The following ZMYND15 variants were observed in gnomAD, a reference collection of about 807,000 sequenced individuals.
ZMYND15 encodes zinc finger MYND domain-containing protein 15.
Under a neutral mutation model 81.7 loss-of-function variants are expected in ZMYND15, and 54 were observed. That is an observed-to-expected ratio of 0.66 (90% CI 0.53 to 0.83). The LOEUF (loss-of-function observed/expected upper bound fraction) is 0.83. ZMYND15 is among the 40% of genes least tolerant of loss of function. The probability of loss-of-function intolerance (pLI) is 0.00; values close to 1 mark genes in which losing one functional copy is unlikely to be tolerated. For synonymous variants in ZMYND15, 399 were observed against 387.0 expected (o/e 1.03, Z -0.36); for missense variants, 925 against 973.5 (o/e 0.95, Z 0.66).
chr17:4,743,880 T>C lies in ZMYND15; in HGVS notation c.1378+33T>C. On this transcript the variant is annotated intron_variant, in intron 7 of 13. Coordinates refer to ENST00000433935, the MANE Select transcript of ZMYND15 (RefSeq NM_001136046.3). The surrounding 1 kb of genome is among the most constrained non-coding windows in gnomAD (Gnocchi z 4.3). ...GGAGGGGCCCTGTGGAAGCTAGGGG[T>C]AGGGCCAGGGACTGGAGAACCAGAG... 6.2e-7 allele frequency: 1 copy of C among 1,609,830 alleles called. No individual in the cohort carries two copies. Among genetic ancestry groups the C allele is most frequent in the East Asian group, 2.2e-5 (1 of 44,806 alleles).
chr17:4,740,831 C>G lies in ZMYND15; in HGVS notation c.283C>G (p.Leu95Val). 6.3e-7 allele frequency: 1 copy of G among 1,582,458 alleles called. No homozygotes were observed. Among genetic ancestry groups the G allele is most frequent in the Non-Finnish European group, 8.6e-7 (1 of 1,161,014 alleles). ...CTGGCTCCTGGGAGACAACCCTCCACTCCACCTGCGAGACCTGAGCCCCTA... is the reference window on the plus strand; with the variant it reads ...CTGGCTCCTGGGAGACAACCCTCCAGTCCACCTGCGAGACCTGAGCCCCTA... ...TAWLLGDNPP[L>V]HLRDLSPYIS... The change falls in exon 2 of 14, where the codon CTC becomes GTC. Residue 95 changes from leucine to valine, a missense_variant. By Grantham distance (32) the Leu-to-Val change is conservative. Transcript: ENST00000433935.
chr17:4,744,646 C>T lies in ZMYND15; in HGVS notation c.1705C>T (p.Arg569Trp), dbSNP rs566369970. Residue 569 changes from arginine (R) to tryptophan (W), a missense_variant, in exon 11 of 14, where the codon CGG (arginine) becomes TGG (tryptophan). Coordinates refer to ENST00000433935, the MANE Select transcript of ZMYND15 (RefSeq NM_001136046.3). This position sits in a 1 kb window ranked among gnomAD's most constrained non-coding sequence, Gnocchi z 4.1. ...TCAGGACAGCCTGGAGGTGTCTGTC[C>T]GGCCTGGTTCCGGCATATCAGCACG... ...LQRDSLEVSV[R>W]PGSGISARPS... 57 of 1,612,784 alleles carry T rather than the reference C, an allele frequency of 3.5e-5. No individual in the cohort carries two copies. The highest frequency in any genetic ancestry group is 3.7e-5 in the Non-Finnish European group (44 of 1,179,934).
rs1916606123 is a variant in ZMYND15 at position 4,745,134 on chromosome 17, G to A, written c.1897-81G>A. 1.2e-6 allele frequency: 2 copies of A among 1,608,168 alleles called. No homozygotes were observed. Among genetic ancestry groups the A allele is most frequent in the East Asian group, 4.5e-5 (2 of 44,848 alleles). ...CCGCCCGGTCTGTCCGGGGACCTCG[G>A]CTTTCAGCCCGGTCTGTCATTCTGG... On this transcript the variant is annotated intron_variant, in intron 12 of 13. Coordinates refer to ENST00000433935, the MANE Select transcript of ZMYND15 (RefSeq NM_001136046.3). This position sits in a 1 kb window ranked among gnomAD's most constrained non-coding sequence, Gnocchi z 5.2.
In ZMYND15 at chr17:4,740,890, A is replaced by AGGGGAGGAG; in HGVS notation, c.344_352dup (p.Gly115_Glu117dup). 1 of 1,579,868 alleles carries AGGGGAGGAG rather than the reference A, an allele frequency of 6.3e-7. No individual in the cohort carries two copies. Among genetic ancestry groups the AGGGGAGGAG allele is most frequent in the Non-Finnish European group, 8.6e-7 (1 of 1,160,406 alleles). On this transcript the variant is annotated inframe_insertion, in exon 2 of 14. Coordinates refer to ENST00000433935, the MANE Select transcript of ZMYND15 (RefSeq NM_001136046.3). ...TTGTCAGCCTAGAGGATGGGGAGGA[A>AGGGGAGGAG]GGGGAGGAGGAAGAGGAGGAAGATG...
At chr17:4,740,351 C>A in intron 1 of ZMYND15, 168 bp from the exon 2 acceptor site, 1 of 1,217,800 alleles carries the variant, frequency 8.2e-7, no homozygotes, top group East Asian at 3.0e-5. Flanking sequence ...ATTTTCCTCC[C>A]TAAACTCCCA....
rs1335190214 is a variant in ZMYND15, at chr17:4,741,896, C to T, written c.828-19C>T. ...CACCTCCTCCAGCCTGATGCCATCT[C>T]CCCCCCAACTGCATTTAGAGAGCTG... On this transcript the variant is annotated intron_variant, in intron 3 of 13. Coordinates refer to ENST00000433935, the MANE Select transcript of ZMYND15 (RefSeq NM_001136046.3). The T allele has an allele frequency of 3.1e-6, 5 of 1,609,604 alleles. No homozygotes were observed. Among genetic ancestry groups the T allele is most frequent in the African/African-American group, 1.3e-5 (1 of 74,968 alleles).
intron 5 of ZMYND15, 116 bp downstream of exon 5, chr17:4,742,607 C>T (rs1916476028): frequency 5.8e-6 from 8 of 1,372,408 alleles, no homozygotes; most frequent in African/African-American, 1.4e-5. Flanking sequence ...GGGGCTAGAG[C>T]CTAGATCCCT....
In ZMYND15 at chr17:4,740,709, C is replaced by G. The variant is rs941763933; in HGVS notation, c.161C>G (p.Pro54Arg). 3 of 1,613,298 alleles carry G rather than the reference C, an allele frequency of 1.9e-6. No homozygotes were observed. In the African/African-American group the frequency reaches 4.0e-5, roughly 22 times the overall value. Reference sequence around the variant, plus strand: ...CAGATCAGAAGGCTACCCCAGGACCCTGCCCTTTGGGTGCTCCATGTCCTG... The same window carrying G: ...CAGATCAGAAGGCTACCCCAGGACCGTGCCCTTTGGGTGCTCCATGTCCTG... ...EAQIRRLPQD[P>R]ALWVLHVLPN... The change falls in exon 2 of 14, where the codon CCT becomes CGT. Residue 54 changes from proline to arginine, a missense_variant. Transcript: ENST00000433935.
chr17:4,743,172 G>A lies in ZMYND15; in HGVS notation c.1145-131G>A, dbSNP rs960169858. ...GAGAATCGTTTGAGTCCAAGAGGTC[G>A]AGGCTGTAGTGTCCCGTGATCACGC... On this transcript the variant is annotated intron_variant, in intron 5 of 13. Transcript: ENST00000433935. This position sits in a 1 kb window ranked among gnomAD's most constrained non-coding sequence, Gnocchi z 4.3. The A allele has an allele frequency of 1.9e-5, 21 of 1,081,874 alleles. No homozygotes were observed. In the East Asian group the frequency reaches 2.0e-4, roughly 10 times the overall value. 67.0% of individuals were successfully genotyped at this position (1,081,874 alleles called of 1,614,324 possible).
In ZMYND15 at chr17:4,743,153, C is replaced by T. The variant is rs1198443877; in HGVS notation, c.1145-150C>T. ...TCTCGGGAGACTGAGGTGGGAGAAT[C>T]GTTTGAGTCCAAGAGGTCGAGGCTG... On this transcript the variant is annotated intron_variant, in intron 5 of 13. Coordinates refer to ENST00000433935, the MANE Select transcript of ZMYND15 (RefSeq NM_001136046.3). The surrounding 1 kb of genome is among the most constrained non-coding windows in gnomAD (Gnocchi z 4.3). 6.9e-6 allele frequency: 6 copies of T among 870,676 alleles called. No individual in the cohort carries two copies. The highest frequency in any genetic ancestry group is 3.4e-5 in the African/African-American group (2 of 58,406). The allele number at this position is 870,676 out of a possible 1,614,324, so 53.9% of individuals were successfully genotyped here. A position where few individuals can be genotyped will look rare whatever the true frequency, so the allele number is the denominator to read the frequency against.
Position 4,745,107 on chromosome 17 carries a change from C to T in ZMYND15, c.1897-108C>T. The T allele has an allele frequency of 6.3e-7, 1 of 1,588,226 alleles. No individual in the cohort carries two copies. The highest frequency in any genetic ancestry group is 8.6e-7 in the Non-Finnish European group (1 of 1,163,000). Reference sequence around the variant, plus strand: ...CTGTCTCCGTCCTCCCCCTGCTCCCCTCCGCCCGGTCTGTCCGGGGACCTC... The same window carrying T: ...CTGTCTCCGTCCTCCCCCTGCTCCCTTCCGCCCGGTCTGTCCGGGGACCTC... On this transcript the variant is annotated intron_variant, in intron 12 of 13. Transcript: ENST00000433935. This position sits in a 1 kb window ranked among gnomAD's most constrained non-coding sequence, Gnocchi z 5.2.
rs1916523484 is a variant in ZMYND15, at chr17:4,743,476, C to T, written c.1297+21C>T. On this transcript the variant is annotated intron_variant, in intron 6 of 13. Coordinates refer to ENST00000433935, the MANE Select transcript of ZMYND15 (RefSeq NM_001136046.3). The surrounding 1 kb of genome is among the most constrained non-coding windows in gnomAD (Gnocchi z 4.3). ...CGGTGGTGCGTGGGGTCTCTCCAGG[C>T]ATGGGCCCCTTGGCCTAGAGGGAAG... 6.2e-7 allele frequency: 1 copy of T among 1,613,012 alleles called. No individual in the cohort carries two copies. Among genetic ancestry groups the T allele is most frequent in the African/African-American group, 1.3e-5 (1 of 74,994 alleles).
rs566369970 is a variant in ZMYND15 at position 4,744,646 on chromosome 17, C to G, written c.1705C>G (p.Arg569Gly). The part of the protein sequence containing the change: ...LQRDSLEVSV[R>G]PGSGISARPS... ...TCAGGACAGCCTGGAGGTGTCTGTC[C>G]GGCCTGGTTCCGGCATATCAGCACG... Residue 569 changes from arginine to glycine, a missense_variant, in exon 11 of 14, where the codon CGG becomes GGG. By Grantham distance (125) the Arg-to-Gly change is moderately radical (BLOSUM62 -2). Coordinates refer to ENST00000433935, the MANE Select transcript of ZMYND15 (RefSeq NM_001136046.3). This position sits in a 1 kb window ranked among gnomAD's most constrained non-coding sequence, Gnocchi z 4.1. 1.9e-6 allele frequency: 3 copies of G among 1,612,900 alleles called. No homozygotes were observed. Among genetic ancestry groups the G allele is most frequent in the Non-Finnish European group, 2.5e-6 (3 of 1,179,926 alleles).
At position 4,740,017 on chromosome 17, in the gene ZMYND15, G is replaced by A. The variant is rs1916310854; in HGVS notation, c.-64G>A. ...CGCACCCGCGCACCCTCCACCGCGA[G>A]GTATTTACCTTCGAAAAGTGGTGGC... On this transcript the variant is annotated 5_prime_UTR_variant, in exon 1 of 14. Coordinates refer to ENST00000433935, the MANE Select transcript of ZMYND15 (RefSeq NM_001136046.3). 1.0e-5 allele frequency: 10 copies of A among 985,466 alleles called. No homozygotes were observed. Among genetic ancestry groups the A allele is most frequent in the Non-Finnish European group, 1.2e-5 (10 of 829,994 alleles). The allele number at this position is 985,466 out of a possible 1,614,324, so 61.0% of individuals were successfully genotyped here. A position where few individuals can be genotyped will look rare whatever the true frequency, so the allele number is the denominator to read the frequency against.
chr17:4,744,579 C>A lies in ZMYND15; in HGVS notation c.1684-46C>A. 1.9e-6 allele frequency: 3 copies of A among 1,602,542 alleles called. No homozygotes were observed. The highest frequency in any genetic ancestry group is 1.1e-5 in the South Asian group (1 of 90,000). ...ATCTTGCCTGGTGCATCCTCCAGTT[C>A]CCTGACTTCCAGTGGCTTTTCCACC... On this transcript the variant is annotated intron_variant, in intron 10 of 13. Coordinates refer to ENST00000433935, the MANE Select transcript of ZMYND15 (RefSeq NM_001136046.3). This position sits in a 1 kb window ranked among gnomAD's most constrained non-coding sequence, Gnocchi z 4.1.
In ZMYND15 at chr17:4,739,966, G is replaced by T; in HGVS notation, c.-115G>T. The T allele has an allele frequency of 2.0e-6, 2 of 985,298 alleles. No homozygotes were observed. Among genetic ancestry groups the T allele is most frequent in the Non-Finnish European group, 2.4e-6 (2 of 829,922 alleles). The allele number at this position is 985,298 out of a possible 1,614,324, so 61.0% of individuals were successfully genotyped here. A position where few individuals can be genotyped will look rare whatever the true frequency, so the allele number is the denominator to read the frequency against. The stretch of plus-strand genomic sequence containing the variant: ...CGTGGCCGCCCGCTGAGCCGGCGAG[G>T]GCTCGGGCAGCCCTGACGTCACAAC... On this transcript the variant is annotated 5_prime_UTR_variant, in exon 1 of 14. Transcript: ENST00000433935. The surrounding 1 kb of genome is among the most constrained non-coding windows in gnomAD (Gnocchi z 5.3).
At position 4,743,546 on chromosome 17, in the gene ZMYND15, C is replaced by T; in HGVS notation, c.1297+91C>T. The T allele has an allele frequency of 1.3e-6, 2 of 1,539,846 alleles. No homozygotes were observed. Among genetic ancestry groups the T allele is most frequent in the Non-Finnish European group, 1.8e-6 (2 of 1,139,346 alleles). On this transcript the variant is annotated intron_variant, in intron 6 of 13. Transcript: ENST00000433935. This position sits in a 1 kb window ranked among gnomAD's most constrained non-coding sequence, Gnocchi z 4.3. The stretch of plus-strand genomic sequence containing the variant: ...GGGTCCCAGATGATCCCTCCACATA[C>T]ACACTGACCCCTACCAACAGCACCA...
rs762066978 is a variant in ZMYND15 at position 4,744,411 on chromosome 17, T to C, written c.1627T>C (p.Phe543Leu). The change falls in exon 10 of 14, where the codon TTT (phenylalanine) becomes CTT (leucine). Residue 543 changes from phenylalanine to leucine, a missense_variant. Coordinates refer to ENST00000433935, the MANE Select transcript of ZMYND15 (RefSeq NM_001136046.3). This position sits in a 1 kb window ranked among gnomAD's most constrained non-coding sequence, Gnocchi z 4.1. ...CCCCCATGTGGCCCTGGAGCTGCAG[T>C]TTGTAGGTGATGGCCTGCCCCCCGA... is the stretch of plus-strand genomic sequence containing the variant. ...LLPHVALELQ[F>L]VGDGLPPESD... is the part of the protein sequence containing the mutation. The C allele has an allele frequency of 1.2e-6, 2 of 1,613,850 alleles. No homozygotes were observed. Among genetic ancestry groups the C allele is most frequent in the East Asian group, 4.5e-5 (2 of 44,872 alleles).
Position 4,742,489 on chromosome 17 carries a change from C to T in ZMYND15, c.1142C>T (p.Ala381Val). The change falls in exon 5 of 14, where the codon GCA becomes GTA. Residue 381 changes from alanine (A) to valine (V), a missense_variant and splice_region_variant. Coordinates refer to ENST00000433935, the MANE Select transcript of ZMYND15 (RefSeq NM_001136046.3). ...GCAACCCTGCCTTTTACCTACACCG[C>T]AGGTACCATAAGGAGGTCAGAATGG... ...ELATLPFTYT[A>V]EVTSETFNKE... 6.2e-7 allele frequency: 1 copy of T among 1,613,884 alleles called. No homozygotes were observed. The highest frequency in any genetic ancestry group is 1.3e-5 in the African/African-American group (1 of 75,050).
Sources: gnomAD v4.1 joint callset for allele counts on GRCh38, gnomAD v4.1.1 for gene constraint, Gnocchi (gnomAD v3.1) non-coding constraint, MANE v1.5 for transcripts, NCBI Gene and HGNC (gene_info 2026-07-23, HGNC 2026-07-21) for gene names.